Variants in PLBD2 observed in about 807,000 individuals in gnomAD.
PLBD2 encodes putative aminopeptidase PLBD2.
A neutral mutation model predicts 68.3 loss-of-function variants in PLBD2; 51 were observed. The ratio of observed to expected loss-of-function variants is 0.75; its 90% CI spans 0.60 to 0.94. The LOEUF (loss-of-function observed/expected upper bound fraction) is 0.94, where lower values mean the gene tolerates loss of function less well. PLBD2 is among the 40% of genes least tolerant of loss of function. The pLI, the probability that PLBD2 is intolerant of heterozygous loss-of-function variation, is 0.00. For missense variants in PLBD2, 729 were observed against 792.2 expected (o/e 0.92, Z 0.96); for synonymous variants, 314 against 339.3 (o/e 0.93, Z 0.82).
chr12:113,372,925 C>A lies in PLBD2; in HGVS notation c.543+118C>A. On this transcript the variant is annotated intron_variant, in intron 3 of 11. Transcript: ENST00000280800. The surrounding 1 kb of genome is among the most constrained non-coding windows in gnomAD (Gnocchi z 4.2). Reference sequence around the variant, plus strand: ...GCTGCCCAGCCGCCTCTGTTTCCATCATCATCTCCATCCCTCCTAGCCGAC... The same window carrying A: ...GCTGCCCAGCCGCCTCTGTTTCCATAATCATCTCCATCCCTCCTAGCCGAC... 1 of 1,160,512 alleles carries A rather than the reference C, an allele frequency of 8.6e-7. No individual in the cohort carries two copies. The allele number at this position is 1,160,512 out of a possible 1,614,324, so 71.9% of individuals were successfully genotyped here. A position where few individuals can be genotyped will look rare whatever the true frequency, so the allele number is the denominator to read the frequency against.
Position 113,387,710 on chromosome 12 carries a change from G to A in PLBD2, c.1440-34G>A, listed in dbSNP as rs200956818. On this transcript the variant is annotated intron_variant, in intron 10 of 11. Coordinates refer to ENST00000280800, the MANE Select transcript of PLBD2 (RefSeq NM_173542.4). ...CCCCCGTCTTAGCCTCTCCTTCCTG[G>A]GATGACTGATGTTCCCTCCTTTTCC... 8.1e-6 allele frequency: 13 copies of A among 1,603,428 alleles called. 1 individual carries two copies. In the East Asian group the frequency reaches 2.7e-4, roughly 33 times the overall value.
rs1957260542 is a variant in PLBD2, at chr12:113,358,872, A to T, written c.272A>T (p.Asn91Ile). The stretch of plus-strand genomic sequence containing the variant: ...GCCGTGGCCTGGGCCAACCTCACCA[A>T]CGCCATCCGCGAGACTGGGTAAGGG... ...PDAVAWANLTNAIRETGWAFL... is the reference protein window; with the variant it reads ...PDAVAWANLTIAIRETGWAFL... Residue 91 changes from asparagine (N) to isoleucine (I), a missense_variant, in exon 1 of 12, where the codon AAC becomes ATC. Transcript: ENST00000280800. 1 of 1,525,900 alleles carries T rather than the reference A, an allele frequency of 6.6e-7. No homozygotes were observed. Among genetic ancestry groups the T allele is most frequent in the Non-Finnish European group, 8.8e-7 (1 of 1,139,292 alleles). 94.5% of individuals were successfully genotyped at this position (1,525,900 alleles called of 1,614,324 possible). A position where few individuals can be genotyped will look rare whatever the true frequency, so the allele number is the denominator to read the frequency against.
intron 1 of PLBD2, among the ~76,000 whole-genome samples, chr12:113,364,422 C>T (rs1215320789): frequency 1.3e-5 from 2 of 151,848 alleles, no homozygotes; most frequent in African/African-American, 2.4e-5. Flanking sequence ...AATCTTCCTC[C>T]CATCATCACA....
intron 6 of PLBD2, among the ~76,000 whole-genome samples, chr12:113,383,218 T>C (rs1439145076): frequency 1.3e-5 from 2 of 152,120 alleles, no homozygotes; most frequent in Non-Finnish European, 2.9e-5. Context: ...GACTGCTGCA[T>C]CTGCCAGGCT....
chr12:113,362,193 T>G lies in PLBD2; in HGVS notation c.290+3303T>G, dbSNP rs527252058. ...AAACCCTGTCTCTGCAAAAAAAAAGTAAAAAATTAGCTGGGTGTGGTTGCG... is the reference window on the plus strand; with the variant it reads ...AAACCCTGTCTCTGCAAAAAAAAAGGAAAAAATTAGCTGGGTGTGGTTGCG... On this transcript the variant is annotated intron_variant, in intron 1 of 11. Transcript: ENST00000280800. Among the ~76,000 whole-genome samples the G allele has an allele frequency of 5.3e-5, 8 of 151,864 alleles. No individual in the cohort carries two copies. In the South Asian group the frequency reaches 1.5e-3, roughly 28 times the overall value.
chr12:113,387,413 G>A (rs1361069321), intron 10 of PLBD2, among the ~76,000 whole-genome samples: 1 of 152,190 alleles, frequency 6.6e-6, no homozygotes, highest in Non-Finnish European at 1.5e-5. Context: ...AATCCATCAA[G>A]TTCTTGCACT....
At chr12:113,370,065 A>C (rs1449467753) in intron 2 of PLBD2, among the ~76,000 whole-genome samples, 1 of 151,752 alleles carries the variant, frequency 6.6e-6, no homozygotes, top group Non-Finnish European at 1.5e-5. Context: ...ATGCCCACCT[A>C]ATTTTTGTAT....
At chr12:113,369,034 T>A (rs539407916) in intron 1 of PLBD2, 82 bp from the exon 2 acceptor site, 1 of 913,626 alleles carries the variant, frequency 1.1e-6, no homozygotes, top group South Asian at 1.6e-5. Flanking sequence ...ACTGTGTTGT[T>A]TTCATAGTTT....
At position 113,358,836 on chromosome 12, in the gene PLBD2, G is replaced by A. The variant is rs1257453279; in HGVS notation, c.236G>A (p.Arg79His). The A allele has an allele frequency of 5.9e-6, 9 of 1,517,754 alleles. No homozygotes were observed. Among genetic ancestry groups the A allele is most frequent in the Non-Finnish European group, 7.9e-6 (9 of 1,135,026 alleles). The allele number at this position is 1,517,754 out of a possible 1,614,324, so 94.0% of individuals were successfully genotyped here. Reference sequence around the variant, plus strand: ...GGCCAGCTGCTTATGGTGGACGGACGCCACCCTGACGCCGTGGCCTGGGCC... The same window carrying A: ...GGCCAGCTGCTTATGGTGGACGGACACCACCCTGACGCCGTGGCCTGGGCC... Reference protein sequence around the residue: ...SAGQLLMVDGRHPDAVAWANL... With the variant: ...SAGQLLMVDGHHPDAVAWANL... Residue 79 changes from arginine (R) to histidine (H), a missense_variant, in exon 1 of 12, where the codon CGC becomes CAC. Arg to His is a conservative substitution (Grantham distance 29). Coordinates refer to ENST00000280800, the MANE Select transcript of PLBD2 (RefSeq NM_173542.4).
At chr12:113,379,563 A>AT (rs1957466604) in intron 5 of PLBD2, among the ~76,000 whole-genome samples, 4 of 152,318 alleles carry the variant, frequency 2.6e-5, no homozygotes, top group Admixed American at 2.6e-4. Context: ...CCTCCAGCAT[A>AT]AGCGTGAGGT....
intron 5 of PLBD2, among the ~76,000 whole-genome samples, chr12:113,375,389 T>A (rs1334856161): frequency 6.6e-6 from 1 of 152,204 alleles, no homozygotes; most frequent in East Asian, 1.9e-4. Flanking sequence ...TGGGCTCAAG[T>A]GATCCTCCTG....
In PLBD2 at chr12:113,358,666, G is replaced by T. The variant is rs978342786; in HGVS notation, c.66G>T (p.Ala22=). The part of the protein sequence containing the change: ...HLARALTRAL[A]LALVLALLVG... ...CCCGGGCGCTGACGCGGGCGCTGGC[G>T]CTGGCCCTGGTGCTGGCCCTGCTGG... Residue 22 remains alanine, a synonymous_variant, in exon 1 of 12, where the codon GCG becomes GCT. Transcript: ENST00000280800. 20 of 1,459,652 alleles carry T rather than the reference G, an allele frequency of 1.4e-5. No homozygotes were observed. The highest frequency in any genetic ancestry group is 1.1e-4 in the Admixed American group (4 of 35,670). The allele number at this position is 1,459,652 out of a possible 1,614,324, so 90.4% of individuals were successfully genotyped here.
At chr12:113,387,210 G>A in intron 10 of PLBD2, 121 bp downstream of exon 10, 1 of 1,290,278 alleles carries the variant, frequency 7.8e-7, no homozygotes, top group Non-Finnish European at 1.0e-6. Flanking sequence ...CCAGCAGGGG[G>A]TGGTCAGATG....
intron 11 of PLBD2, 79 bp downstream of exon 11, chr12:113,387,985 G>T: frequency 2.6e-6 from 4 of 1,528,908 alleles, no homozygotes; most frequent in Non-Finnish European, 3.6e-6. Context: ...ACAGGTTGGG[G>T]CAAAGCTGAT....
Position 113,358,664 on chromosome 12 carries a change from G to C in PLBD2, c.64G>C (p.Ala22Pro), listed in dbSNP as rs1304164084. The change falls in exon 1 of 12, where the codon GCG becomes CCG. Residue 22 changes from alanine to proline, a missense_variant. Transcript: ENST00000280800. ...GGCCCGGGCGCTGACGCGGGCGCTG[G>C]CGCTGGCCCTGGTGCTGGCCCTGCT... ...HLARALTRAL[A>P]LALVLALLVG... 1 of 1,460,512 alleles carries C rather than the reference G, an allele frequency of 6.8e-7. No homozygotes were observed. Among genetic ancestry groups the C allele is most frequent in the Admixed American group, 2.8e-5 (1 of 35,748 alleles). 90.5% of individuals were successfully genotyped at this position (1,460,512 alleles called of 1,614,324 possible).
intron 2 of PLBD2, among the ~76,000 whole-genome samples, chr12:113,371,914 G>A (rs1470727377): frequency 6.6e-6 from 1 of 152,198 alleles, no homozygotes; most frequent in Non-Finnish European, 1.5e-5. Flanking sequence ...GTGGTAATAT[G>A]TCTTGTCCCC....
At chr12:113,375,640 A>G (rs1957433068) in intron 5 of PLBD2, among the ~76,000 whole-genome samples, 1 of 152,144 alleles carries the variant, frequency 6.6e-6, no homozygotes. Context: ...AGGCTCACTG[A>G]TGCATCAGCA....
chr12:113,388,965 T>C lies in PLBD2; in HGVS notation c.*339T>C. On this transcript the variant is annotated 3_prime_UTR_variant, in exon 12 of 12. Coordinates refer to ENST00000280800, the MANE Select transcript of PLBD2 (RefSeq NM_173542.4). ...TCTCCTTCCTGAGGGTTTGGGAAGG[T>C]CCTGGGGCAGACTCTGGGGCTCCCA... 5.3e-6 allele frequency: 1 copy of C among 188,142 alleles called. No individual in the cohort carries two copies. The highest frequency in any genetic ancestry group is 1.1e-5 in the Non-Finnish European group (1 of 92,018). The allele number at this position is 188,142 out of a possible 1,614,324, so 11.7% of individuals were successfully genotyped here.
At chr12:113,369,236 C>G (rs1009654236) in intron 2 of PLBD2, 27 bp downstream of exon 2, 1 of 1,543,144 alleles carries the variant, frequency 6.5e-7, no homozygotes, top group African/African-American at 1.4e-5. Context: ...GGACATGGGG[C>G]TCCCACCCTG....
Sources: gnomAD v4.1 joint callset for allele counts (sites outside exome capture counted in the v4.1 genomes callset) on GRCh38, gnomAD v4.1.1 for gene constraint, Gnocchi (gnomAD v3.1) non-coding constraint, MANE v1.5 for transcripts, NCBI Gene and HGNC (gene_info 2026-07-23, HGNC 2026-07-21) for gene names.